The following AMPH variants were observed in gnomAD, a reference collection of about 807,000 sequenced individuals.
AMPH encodes the protein amphiphysin (Stiff-Mann syndrome with breast cancer 128kD autoantigen).
Under a neutral mutation model 99.1 loss-of-function variants are expected in AMPH, and 49 were observed. That is an observed-to-expected ratio of 0.49 (90% confidence interval 0.39 to 0.63). AMPH has a LOEUF of 0.63. Among genes scored for constraint, AMPH ranks in the 20% least tolerant of loss-of-function variants. The pLI is 0.00. For missense variants in AMPH, 759 were observed against 863.4 expected (o/e 0.88, Z 1.52); for synonymous variants, 314 against 317.3 (o/e 0.99, Z 0.11).
intron 3 of AMPH, among the ~76,000 whole-genome samples, chr7:38,495,152 A>T (rs1562790607): frequency 6.6e-6 from 1 of 152,198 alleles, no homozygotes; most frequent in Non-Finnish European, 1.5e-5. Flanking sequence ...GCAAAGTGTG[A>T]CTTTAATTGA....
At chr7:38,492,685 T>A (rs1224402427) in intron 4 of AMPH, among the ~76,000 whole-genome samples, 2 of 152,196 alleles carry the variant, frequency 1.3e-5, no homozygotes, top group Non-Finnish European at 2.9e-5. Flanking sequence ...TATGTTTGCA[T>A]GTGCAACTGA....
At chr7:38,416,130 C>T (rs1184238439) in intron 17 of AMPH, among the ~76,000 whole-genome samples, 1 of 73,236 alleles carries the variant, frequency 1.4e-5, no homozygotes, top group African/African-American at 5.1e-5. Flanking sequence ...TATATATTAG[C>T]TATTACATAG....
intron 2 of AMPH, among the ~76,000 whole-genome samples, chr7:38,519,834 A>G (rs772520124): frequency 1.3e-5 from 2 of 152,176 alleles, no homozygotes; most frequent in Non-Finnish European, 2.9e-5. Flanking sequence ...TCACATGTTC[A>G]TTGCAGTACT....
At chr7:38,570,537 C>T (rs561043191) in intron 1 of AMPH, among the ~76,000 whole-genome samples, 15 of 152,216 alleles carry the variant, frequency 9.9e-5, no homozygotes, top group African/African-American at 2.9e-4. Context: ...GCATTACCCA[C>T]GTGTTTGTGG....
intron 1 of AMPH, among the ~76,000 whole-genome samples, chr7:38,580,784 C>G (rs1206664421): frequency 1.3e-5 from 2 of 151,952 alleles, no homozygotes; most frequent in Non-Finnish European, 2.9e-5. Context: ...TCCTCTACCA[C>G]AAAATCCATT....
intron 1 of AMPH, among the ~76,000 whole-genome samples, chr7:38,590,054 G>T (rs2129057683): frequency 6.6e-6 from 1 of 152,286 alleles, no homozygotes; most frequent in Middle Eastern, 3.4e-3. Flanking sequence ...GTGTTACTGG[G>T]GGGTCTTTGT....
rs1395299953 is a variant in AMPH, at chr7:38,483,414, A to G, written c.397-6445T>C. ...CTCAACTGAGGGATAAAACAAACAA[A>G]CAGTAAAAAACACCCAGTTTCCTGC... is the stretch of plus-strand genomic sequence containing the variant. On this transcript the variant is annotated intron_variant, in intron 5 of 20. Coordinates refer to ENST00000356264, the MANE Select transcript of AMPH (RefSeq NM_001635.4). Among the ~76,000 whole-genome samples the G allele has an allele frequency of 3.9e-5, 6 of 152,138 alleles. No homozygotes were observed. In the East Asian group the frequency reaches 1.2e-3, roughly 29 times the overall value.
chr7:38,394,689 G>A (rs75531878), intron 17 of AMPH, among the ~76,000 whole-genome samples: 8,827 of 152,202 alleles, frequency 0.058, 356 homozygotes, highest in East Asian at 0.19. Context: ...CCAAACACAG[G>A]GCTGTAATTT....
intron 5 of AMPH, among the ~76,000 whole-genome samples, chr7:38,483,588 A>C (rs1204070508): frequency 2.0e-5 from 3 of 152,156 alleles, no homozygotes; most frequent in African/African-American, 4.8e-5. Context: ...AGGGGGTGCT[A>C]AGAACAAAGA....
chr7:38,555,807 T>C (rs1791343160), intron 1 of AMPH, among the ~76,000 whole-genome samples: 1 of 152,196 alleles, frequency 6.6e-6, no homozygotes, highest in South Asian at 2.1e-4. Flanking sequence ...ATTTGTAGTG[T>C]TTTCCAAATG....
At chr7:38,393,620 G>T (rs1003825345) in intron 18 of AMPH, among the ~76,000 whole-genome samples, 2 of 149,314 alleles carry the variant, frequency 1.3e-5, no homozygotes, top group Admixed American at 6.8e-5. Context: ...ACAGTAATAA[G>T]AATAATAAGA....
At chr7:38,609,001 T>C (rs2129064581) in intron 1 of AMPH, among the ~76,000 whole-genome samples, 1 of 152,322 alleles carries the variant, frequency 6.6e-6, no homozygotes, top group Non-Finnish European at 1.5e-5. Flanking sequence ...CAAAGAGCGA[T>C]ATTTTAAGCC....
chr7:38,555,032 A>C (rs1791313560), intron 1 of AMPH, among the ~76,000 whole-genome samples: 1 of 152,174 alleles, frequency 6.6e-6, no homozygotes, highest in Non-Finnish European at 1.5e-5. Context: ...TGACCTGGCT[A>C]TTGGGGGAAG....
intron 1 of AMPH, among the ~76,000 whole-genome samples, chr7:38,549,433 G>A (rs1474717003): frequency 6.6e-6 from 1 of 152,060 alleles, no homozygotes; most frequent in Non-Finnish European, 1.5e-5. Context: ...AACAATTTTT[G>A]GGAAAAAGGA....
intron 2 of AMPH, among the ~76,000 whole-genome samples, chr7:38,521,021 C>T (rs184909516): frequency 7.4e-4 from 113 of 152,274 alleles, no homozygotes; most frequent in African/African-American, 2.6e-3. Flanking sequence ...GAAGTGTGAT[C>T]AAATCCTTAG....
At chr7:38,595,406 A>G (rs1793015785) in intron 1 of AMPH, among the ~76,000 whole-genome samples, 1 of 152,212 alleles carries the variant, frequency 6.6e-6, no homozygotes, top group Non-Finnish European at 1.5e-5. Flanking sequence ...CTCTATAGCC[A>G]GGAGGATAGT....
At chr7:38,598,061 C>G (rs925519137) in intron 1 of AMPH, among the ~76,000 whole-genome samples, 15 of 152,068 alleles carry the variant, frequency 9.9e-5, no homozygotes, top group Non-Finnish European at 1.6e-4. Flanking sequence ...GAGTTGTTGG[C>G]CCAAATAGAT....
At chr7:38,571,453 T>C (rs1458995811) in intron 1 of AMPH, among the ~76,000 whole-genome samples, 3 of 128,710 alleles carry the variant, frequency 2.3e-5, no homozygotes, top group South Asian at 2.2e-4. Context: ...TATATTTATA[T>C]AGAATATATG....
At position 38,406,713 on chromosome 7, in the gene AMPH, CCTCTCTCTCTCCCTTTCCCTCTCT is replaced by C. The variant is rs1293479199; in HGVS notation, c.1398+11088_1398+11111del. Among the ~76,000 whole-genome samples, 19 of 111,104 alleles carry C rather than the reference CCTCTCTCTCTCCCTTTCCCTCTCT, an allele frequency of 1.7e-4. 1 individual carries two copies. The highest frequency in any genetic ancestry group is 5.1e-4 in the African/African-American group (15 of 29,338). The allele number at this position is 111,104 out of a possible 152,430, so 72.9% of individuals were successfully genotyped here. On this transcript the variant is annotated intron_variant, in intron 17 of 20. Coordinates refer to ENST00000356264, the MANE Select transcript of AMPH (RefSeq NM_001635.4). ...GCTTGCTCTGAGTTCTCTCTCCTCTCCTCTCTCTCTCCCTTTCCCTCTCTCTCTCTCTCTCTCTCTCTCTCTCTC... is the reference window on the plus strand; with the variant it reads ...GCTTGCTCTGAGTTCTCTCTCCTCTCCTCTCTCTCTCTCTCTCTCTCTCTC...
Sources: gnomAD v4.1 joint callset for allele counts (sites outside exome capture counted in the v4.1 genomes callset) on GRCh38, gnomAD v4.1.1 for gene constraint, MANE v1.5 for transcripts, NCBI Gene and HGNC (gene_info 2026-07-23, HGNC 2026-07-21) for gene names.